MAST4: variants seen among roughly 807,000 people sequenced by gnomAD.
MAST4 encodes the protein microtubule-associated serine/threonine-protein kinase 4.
In MAST4, 89 loss-of-function variants were observed where a neutral mutation model predicts 162.7. That is an observed-to-expected ratio of 0.55 (90% CI 0.46 to 0.65). MAST4 has a LOEUF of 0.65. Ranked by LOEUF, MAST4 falls within the 30% of genes least tolerant of loss-of-function variation. MAST4 has a pLI of 0.00. For missense variants in MAST4, 3,153 were observed against 3,374.0 expected (o/e 0.93, Z 1.62); for synonymous variants, 1,479 against 1,361.1 (o/e 1.09, Z -1.91).
At chr5:66,715,113 C>T (rs1750736966) in intron 1 of MAST4, among the ~76,000 whole-genome samples, 1 of 152,190 alleles carries the variant, frequency 6.6e-6, no homozygotes, top group African/African-American at 2.4e-5. Context: ...CAAAACAGAT[C>T]CACCTGGAGC....
chr5:66,756,312 G>A (rs146490653), intron 1 of MAST4, among the ~76,000 whole-genome samples: 1 of 152,326 alleles, frequency 6.6e-6, no homozygotes, highest in Non-Finnish European at 1.5e-5. Context: ...ACATATTGCT[G>A]TTTCAATGCA....
At chr5:67,106,560 GGCTCAGACCCTCATCCA>G (rs1457416821) in intron 10 of MAST4, among the ~76,000 whole-genome samples, 1 of 152,020 alleles carries the variant, frequency 6.6e-6, no homozygotes, top group Non-Finnish European at 1.5e-5. Context: ...ATCACTACCT[GGCTCAGACCCTCATCCA>G]GCTCAGACCC....
At chr5:66,783,914 A>G (rs1754991711) in intron 2 of MAST4, among the ~76,000 whole-genome samples, 1 of 152,018 alleles carries the variant, frequency 6.6e-6, no homozygotes. Context: ...TCAGAGTCCA[A>G]CTTCTTATTG....
chr5:66,775,035 GTA>G lies in MAST4; in HGVS notation c.518-13633_518-13632del, dbSNP rs10592259. The stretch of plus-strand genomic sequence containing the variant: ...TGTGTGTGTGTGTGTGTGTGTGTGT[GTA>G]TGTGTGTGTTTTCCCCCTGTAGCTG... On this transcript the variant is annotated intron_variant, in intron 2 of 28. Transcript: ENST00000403625. 7.8e-3 allele frequency among the ~76,000 whole-genome samples: 782 copies of G among 100,642 alleles called. 4 individuals are homozygous for G. The highest frequency in any genetic ancestry group is 0.068 in the South Asian group (182 of 2,688). 66.0% of individuals were successfully genotyped at this position (100,642 alleles called of 152,430 possible).
chr5:66,665,356 A>G (rs906475145), intron 1 of MAST4, among the ~76,000 whole-genome samples: 1 of 152,164 alleles, frequency 6.6e-6, no homozygotes, highest in African/African-American at 2.4e-5. Context: ...AATGGCTGGG[A>G]TCCAGTGGCA....
At chr5:66,969,209 T>C (rs1398370402) in intron 4 of MAST4, among the ~76,000 whole-genome samples, 1 of 152,152 alleles carries the variant, frequency 6.6e-6, no homozygotes. Flanking sequence ...CTTTTAGAGC[T>C]GCCATTCTCC....
Position 67,095,660 on chromosome 5 carries a change from C to A in MAST4, c.897C>A (p.Pro299=). 6.2e-7 allele frequency: 1 copy of A among 1,606,760 alleles called. No individual in the cohort carries two copies. Among genetic ancestry groups the A allele is most frequent in the South Asian group, 1.1e-5 (1 of 89,512 alleles). ...CCTCTGGCTATGGGACAAACACACC[C>A]AGCTCTACGGTCTCTGTAAGTGCCT... is the stretch of plus-strand genomic sequence containing the variant. The part of the protein sequence containing the change: ...LPSSGYGTNT[P]SSTVSSSCSS... The change falls in exon 7 of 29, where the codon CCC becomes CCA. Residue 299 remains proline, a synonymous_variant. Coordinates refer to ENST00000403625, the MANE Select transcript of MAST4 (RefSeq NM_001164664.2).
intron 1 of MAST4, among the ~76,000 whole-genome samples, chr5:66,755,675 T>C (rs189515436): frequency 6.6e-6 from 1 of 152,216 alleles, no homozygotes; most frequent in Admixed American, 6.5e-5. Flanking sequence ...AAATTCTACA[T>C]ATGTATATGC....
rs532524654 is a variant in MAST4 at position 66,629,175 on chromosome 5, A to T, written c.363+32157A>T. On this transcript the variant is annotated intron_variant, in intron 1 of 28. Transcript: ENST00000403625. ...CACCAATATCCAGGGACAGAGAGCCAAGGAAGGCTGGGCTTTTACTGGAAT... is the reference window on the plus strand; with the variant it reads ...CACCAATATCCAGGGACAGAGAGCCTAGGAAGGCTGGGCTTTTACTGGAAT... Among the ~76,000 whole-genome samples, 124 of 152,340 alleles carry T rather than the reference A, an allele frequency of 8.1e-4. No homozygotes were observed. The Middle Eastern group carries it at 0.01, about 13-fold the overall frequency.
At chr5:66,929,413 T>C (rs1190697120) in intron 4 of MAST4, among the ~76,000 whole-genome samples, 1 of 152,136 alleles carries the variant, frequency 6.6e-6, no homozygotes, top group East Asian at 1.9e-4. Flanking sequence ...TTCACTTAGT[T>C]CATGGACTCA....
At chr5:66,618,034 G>C (rs111837090) in intron 1 of MAST4, among the ~76,000 whole-genome samples, 2 of 123,014 alleles carry the variant, frequency 1.6e-5, no homozygotes, top group South Asian at 2.5e-4. Context: ...TGGGAGGAAT[G>C]GGGGGGGGGC....
intron 26 of MAST4, among the ~76,000 whole-genome samples, chr5:67,157,784 G>A (rs1772710652): frequency 6.6e-6 from 1 of 152,264 alleles, no homozygotes; most frequent in Non-Finnish European, 1.5e-5. Flanking sequence ...CTCAGAATCC[G>A]TTTTCTTTAC....
intron 3 of MAST4, among the ~76,000 whole-genome samples, chr5:66,868,622 A>G (rs1580711560): frequency 6.6e-6 from 1 of 151,900 alleles, no homozygotes; most frequent in African/African-American, 2.4e-5. Context: ...TTCACTCCAT[A>G]TGCAATTTAT....
At chr5:66,694,473 T>C (rs1749261919) in intron 1 of MAST4, among the ~76,000 whole-genome samples, 1 of 152,192 alleles carries the variant, frequency 6.6e-6, no homozygotes, top group African/African-American at 2.4e-5. Context: ...TGAGCTTTTT[T>C]TTCTTTTTTT....
At chr5:66,685,311 CACCCCA>C (rs1474053919) in intron 1 of MAST4, among the ~76,000 whole-genome samples, 9 of 151,480 alleles carry the variant, frequency 5.9e-5, no homozygotes, top group Non-Finnish European at 1.2e-4. Flanking sequence ...CAAAACCACA[CACCCCA>C]AAAACCCCCA....
chr5:66,765,019 G>A (rs1754027010), intron 2 of MAST4, among the ~76,000 whole-genome samples: 1 of 152,080 alleles, frequency 6.6e-6, no homozygotes, highest in Non-Finnish European at 1.5e-5. Context: ...GCTTTTCTAT[G>A]TTTAGATATG....
chr5:66,684,452 A>G (rs117356252), intron 1 of MAST4, among the ~76,000 whole-genome samples: 1 of 152,218 alleles, frequency 6.6e-6, no homozygotes, highest in Non-Finnish European at 1.5e-5. Flanking sequence ...TTTCATTTGA[A>G]GCGACAGTAG....
At chr5:66,918,615 T>C (rs1238977330) in intron 4 of MAST4, among the ~76,000 whole-genome samples, 3 of 152,158 alleles carry the variant, frequency 2.0e-5, no homozygotes, top group Non-Finnish European at 4.4e-5. Context: ...TCTGAAATAG[T>C]GGAGCTAAAT....
chr5:67,038,403 C>G (rs751011040), intron 4 of MAST4, among the ~76,000 whole-genome samples: 3 of 152,156 alleles, frequency 2.0e-5, no homozygotes, highest in Non-Finnish European at 4.4e-5. Flanking sequence ...ATTACAAACT[C>G]CTTGTAAGCA....
Sources: allele counts gnomAD v4.1 joint callset (sites outside exome capture counted in the v4.1 genomes callset), GRCh38; gene constraint gnomAD v4.1.1; transcripts MANE v1.5; gene names NCBI Gene and HGNC (gene_info 2026-07-23, HGNC 2026-07-21).